The following LAMC1 variants were observed in gnomAD, a reference collection of about 807,000 sequenced individuals.
The protein encoded by LAMC1 is laminin subunit gamma 1, also known as laminin subunit gamma-1.
A neutral mutation model predicts 173.6 loss-of-function variants in LAMC1; 38 were observed. The ratio of observed to expected loss-of-function variants is 0.22; its 90% CI spans 0.17 to 0.29. The LOEUF is 0.29. LAMC1 is among the 10% of genes least tolerant of loss of function. The probability of loss-of-function intolerance (pLI) is 1.00; values close to 1 mark genes in which losing one functional copy is unlikely to be tolerated. For synonymous variants in LAMC1, 746 were observed against 749.1 expected (o/e 1.00, Z 0.07); for missense variants, 1,824 against 2,051.8 (o/e 0.89, Z 2.14).
At chr1:183,053,381 T>G (rs545175143) in intron 1 of LAMC1, among the ~76,000 whole-genome samples, 23 of 151,446 alleles carry the variant, frequency 1.5e-4, no homozygotes. Context: ...TTCTAATTCT[T>G]TTTTAAAAAT....
chr1:183,130,581 G>A (rs6691658), intron 19 of LAMC1, 32 bp downstream of exon 19: 2 of 1,578,738 alleles, frequency 1.3e-6, no homozygotes, highest in Non-Finnish European at 1.7e-6. Flanking sequence ...AGGTGGGGAT[G>A]GGGGAGGCCC....
rs964049948 is a variant in LAMC1 at position 183,132,323 on chromosome 1, GTAAGCAT to G, written c.3567-74_3567-68del. ...TAATAATAATAATAATAATAATAAAGTAAGCATTACCTGAATTTTACTTATGTCCCTA... is the reference window on the plus strand; with the variant it reads ...TAATAATAATAATAATAATAATAAAGTACCTGAATTTTACTTATGTCCCTA... On this transcript the variant is annotated intron_variant, in intron 20 of 27. Transcript: ENST00000258341. 4.3e-6 allele frequency: 4 copies of G among 934,724 alleles called. No homozygotes were observed. The African/African-American group carries it at 7.2e-5, about 17-fold the overall frequency. The allele number at this position is 934,724 out of a possible 1,614,324, so 57.9% of individuals were successfully genotyped here. A position where few individuals can be genotyped will look rare whatever the true frequency, so the allele number is the denominator to read the frequency against.
intron 1 of LAMC1, among the ~76,000 whole-genome samples, chr1:183,029,901 C>G (rs982800876): frequency 2.0e-5 from 3 of 152,088 alleles, no homozygotes. Context: ...GGACATTGCC[C>G]TGACCTCATT....
At chr1:183,078,532 A>G (rs1655178433) in intron 1 of LAMC1, among the ~76,000 whole-genome samples, 1 of 151,650 alleles carries the variant, frequency 6.6e-6, no homozygotes, top group Admixed American at 6.6e-5. Flanking sequence ...CAGTGAGCCA[A>G]GATCATGCCA....
intron 1 of LAMC1, among the ~76,000 whole-genome samples, chr1:183,085,249 C>T (rs2102054084): frequency 6.6e-6 from 1 of 152,002 alleles, no homozygotes; most frequent in South Asian, 2.1e-4. Flanking sequence ...TGAAATCATC[C>T]ATTTGGGCTC....
chr1:183,066,038 C>A (rs1296666598), intron 1 of LAMC1, among the ~76,000 whole-genome samples: 1 of 152,162 alleles, frequency 6.6e-6, no homozygotes, highest in Non-Finnish European at 1.5e-5. Context: ...TACATGATAA[C>A]GCATTATTGT....
chr1:183,029,343 C>T (rs1360100045), intron 1 of LAMC1, among the ~76,000 whole-genome samples: 1 of 152,198 alleles, frequency 6.6e-6, no homozygotes, highest in African/African-American at 2.4e-5. Context: ...ATTGTTGCCA[C>T]AGCCTCCAAA....
At chr1:183,137,223 A>C (rs982577787) in intron 25 of LAMC1, among the ~76,000 whole-genome samples, 7 of 152,202 alleles carry the variant, frequency 4.6e-5, no homozygotes, top group Non-Finnish European at 1.0e-4. Context: ...TAAAATACTC[A>C]TATTTCAGGA....
intron 1 of LAMC1, among the ~76,000 whole-genome samples, chr1:183,060,745 G>C (rs185690131): frequency 2.6e-5 from 4 of 152,178 alleles, no homozygotes; most frequent in African/African-American, 9.7e-5. Flanking sequence ...TTATATGACC[G>C]AATGAATGGG....
intron 1 of LAMC1, among the ~76,000 whole-genome samples, chr1:183,046,112 C>T (rs1003045855): frequency 6.6e-6 from 1 of 152,024 alleles, no homozygotes; most frequent in Admixed American, 6.6e-5. Context: ...AATGCGATCA[C>T]ATTTGTGGGT....
At chr1:183,102,755 C>G (rs1209091257) in intron 1 of LAMC1, among the ~76,000 whole-genome samples, 1 of 151,986 alleles carries the variant, frequency 6.6e-6, no homozygotes, top group Non-Finnish European at 1.5e-5. Flanking sequence ...TTTTTTTCCT[C>G]TTTCTTATTC....
intron 26 of LAMC1, among the ~76,000 whole-genome samples, chr1:183,139,748 T>C (rs1293932639): frequency 6.6e-6 from 1 of 152,232 alleles, no homozygotes; most frequent in African/African-American, 2.4e-5. Flanking sequence ...TCCATTGCTG[T>C]TTCCTATGAC....
chr1:183,024,817 G>GCTCT (rs1653640900), intron 1 of LAMC1, among the ~76,000 whole-genome samples: 1 of 152,216 alleles, frequency 6.6e-6, no homozygotes, highest in Non-Finnish European at 1.5e-5. Context: ...GGGTAAAAAG[G>GCTCT]CTCTCCTTTA....
At position 183,142,994 on chromosome 1, in the gene LAMC1, A is replaced by G. The variant is rs952678331; in HGVS notation, c.*204A>G. 62 of 553,418 alleles carry G rather than the reference A, an allele frequency of 1.1e-4. No homozygotes were observed. Among genetic ancestry groups the G allele is most frequent in the Non-Finnish European group, 1.7e-4 (54 of 318,438 alleles). The allele number at this position is 553,418 out of a possible 1,614,324, so 34.3% of individuals were successfully genotyped here. A position where few individuals can be genotyped will look rare whatever the true frequency, so the allele number is the denominator to read the frequency against. The stretch of plus-strand genomic sequence containing the variant: ...TCGGGAACAAAGGGTTTTATCTAAT[A>G]AAGTGTCTCTTCCATTCACGTTGCT... On this transcript the variant is annotated 3_prime_UTR_variant, in exon 28 of 28. Transcript: ENST00000258341.
chr1:183,049,463 G>GTTTTT (rs67306811), intron 1 of LAMC1, among the ~76,000 whole-genome samples: 1 of 143,584 alleles, frequency 7.0e-6, no homozygotes, highest in Non-Finnish European at 1.5e-5. Flanking sequence ...AGGTTTTTTT[G>GTTTTT]TTTTTTTTTT....
Position 183,116,784 on chromosome 1 carries a change from T to C in LAMC1, c.1445T>C (p.Phe482Ser). Residue 482 changes from phenylalanine to serine, a missense_variant, in exon 8 of 28, where the codon TTT (phenylalanine) becomes TCT (serine). By Grantham distance (155) the Phe-to-Ser change is radical. Transcript: ENST00000258341. ...FNCERCKPGFFNLESSNPRGC... is the reference protein window; with the variant it reads ...FNCERCKPGFSNLESSNPRGC... ...TTTTTCAGATGCAAACCTGGATTTT[T>C]TAATCTGGAATCATCTAATCCTCGG... The C allele has an allele frequency of 6.2e-7, 1 of 1,614,160 alleles. No individual in the cohort carries two copies. The highest frequency in any genetic ancestry group is 8.5e-7 in the Non-Finnish European group (1 of 1,180,004).
In LAMC1 at chr1:183,121,942, C is replaced by T; in HGVS notation, c.2210C>T (p.Thr737Ile). Residue 737 changes from threonine (T) to isoleucine (I), a missense_variant and splice_region_variant, in exon 12 of 28, where the codon ACA becomes ATA. Transcript: ENST00000258341. ...NGHSETCDPETGVCNCRDNTA... is the reference protein window; with the variant it reads ...NGHSETCDPEIGVCNCRDNTA... ...CACAGCGAGACCTGTGATCCTGAGACAGGTGAGATGATCTTTGGCAGCTCT... is the reference window on the plus strand; with the variant it reads ...CACAGCGAGACCTGTGATCCTGAGATAGGTGAGATGATCTTTGGCAGCTCT... 6.2e-7 allele frequency: 1 copy of T among 1,613,756 alleles called. No individual in the cohort carries two copies. Among genetic ancestry groups the T allele is most frequent in the Non-Finnish European group, 8.5e-7 (1 of 1,179,644 alleles).
At chr1:183,087,745 T>C (rs907272501) in intron 1 of LAMC1, among the ~76,000 whole-genome samples, 1 of 152,118 alleles carries the variant, frequency 6.6e-6, no homozygotes, top group Admixed American at 6.5e-5. Context: ...TCTTGGGGGA[T>C]GCCATGTTGA....
At chr1:183,095,831 C>A (rs866195003) in intron 1 of LAMC1, among the ~76,000 whole-genome samples, 2 of 152,222 alleles carry the variant, frequency 1.3e-5, no homozygotes, top group South Asian at 2.1e-4. Context: ...GTGAGTATAT[C>A]AAATAAAATG....
Sources: gnomAD v4.1 joint callset for allele counts (sites outside exome capture counted in the v4.1 genomes callset) on GRCh38, gnomAD v4.1.1 for gene constraint, MANE v1.5 for transcripts, NCBI Gene and HGNC (gene_info 2026-07-23, HGNC 2026-07-21) for gene names.